The following GLDC variants were observed in gnomAD, a reference collection of about 807,000 sequenced individuals.
The protein encoded by GLDC is glycine decarboxylase, also known as glycine dehydrogenase (decarboxylating), mitochondrial.
GLDC carries 104 observed loss-of-function variants against 121.3 expected under a neutral mutation model. The observed-to-expected ratio is 0.86, with a 90% CI of 0.73 to 1.01. The LOEUF (loss-of-function observed/expected upper bound fraction) is 1.01. Ranked by LOEUF, GLDC falls within the 50% of genes least tolerant of loss-of-function variation. GLDC has a pLI of 0.00. For synonymous variants in GLDC, 546 were observed against 480.6 expected (o/e 1.14, Z -1.78); for missense variants, 1,429 against 1,306.6 (o/e 1.09, Z -1.44).
At chr9:6,607,817 T>G (rs1263006831) in intron 4 of GLDC, among the ~76,000 whole-genome samples, 1 of 151,410 alleles carries the variant, frequency 6.6e-6, no homozygotes, top group East Asian at 2.0e-4. Flanking sequence ...GCCCAGCCAA[T>G]TTTTGTATTA....
At position 6,587,128 on chromosome 9, in the gene GLDC, G is replaced by T; in HGVS notation, c.1850+13C>A. ...ATAGATTGCTGAAACAATAAGAAAA[G>T]AAATGCCCTTACCTGTTTGGCTGGA... is the stretch of plus-strand genomic sequence containing the variant. On this transcript the variant is annotated intron_variant, in intron 15 of 24. Transcript: ENST00000321612. 1.9e-6 allele frequency: 3 copies of T among 1,608,244 alleles called. No individual in the cohort carries two copies. Among genetic ancestry groups the T allele is most frequent in the Non-Finnish European group, 2.6e-6 (3 of 1,175,730 alleles).
At chr9:6,543,211 G>C (rs914070783) in intron 21 of GLDC, among the ~76,000 whole-genome samples, 1 of 152,208 alleles carries the variant, frequency 6.6e-6, no homozygotes, top group Non-Finnish European at 1.5e-5. Flanking sequence ...GGAGGTTGAG[G>C]CTGCAATGAG....
intron 4 of GLDC, among the ~76,000 whole-genome samples, chr9:6,609,937 C>G (rs1818815821): frequency 6.6e-6 from 1 of 152,114 alleles, no homozygotes; most frequent in Non-Finnish European, 1.5e-5. Flanking sequence ...GTCTTTACCC[C>G]TCGCCTGCCA....
chr9:6,591,870 C>G, intron 11 of GLDC: 1 of 318,402 alleles, frequency 3.1e-6, no homozygotes, highest in Non-Finnish European at 6.0e-6. Flanking sequence ...GGATTACAGG[C>G]ATGAGCCACC....
chr9:6,638,694 G>T (rs948433623), intron 2 of GLDC, among the ~76,000 whole-genome samples: 2 of 152,092 alleles, frequency 1.3e-5, no homozygotes, highest in African/African-American at 4.8e-5. Context: ...AAGCCCCTTG[G>T]AGATAGTGAC....
intron 21 of GLDC, among the ~76,000 whole-genome samples, chr9:6,543,682 TG>T (rs1463994286): frequency 3.9e-5 from 6 of 152,212 alleles, no homozygotes; most frequent in Non-Finnish European, 8.8e-5. Context: ...AATTTCAACT[TG>T]GTGGCTGTCA....
intron 8 of GLDC, among the ~76,000 whole-genome samples, chr9:6,600,377 G>GAA (rs1262739023): frequency 1.5e-4 from 17 of 111,186 alleles, no homozygotes; most frequent in Admixed American, 1.9e-4. Flanking sequence ...TCTGTCTCAA[G>GAA]AAAAAAAAAA....
At chr9:6,598,140 C>T (rs1400278468) in intron 8 of GLDC, among the ~76,000 whole-genome samples, 1 of 152,170 alleles carries the variant, frequency 6.6e-6, no homozygotes, top group African/African-American at 2.4e-5. Context: ...GCACTCCTAC[C>T]ACCTCAGTCT....
intron 20 of GLDC, among the ~76,000 whole-genome samples, chr9:6,552,453 A>T (rs1007758180): frequency 6.6e-5 from 10 of 152,216 alleles, no homozygotes; most frequent in African/African-American, 2.4e-4. Flanking sequence ...GTTGTTTGCA[A>T]AACAACTTGA....
chr9:6,635,572 A>AAAT (rs536902604), intron 2 of GLDC, among the ~76,000 whole-genome samples: 1 of 152,082 alleles, frequency 6.6e-6, no homozygotes, highest in Non-Finnish European at 1.5e-5. Context: ...CCCTGTCTCT[A>AAAT]AATAATAATA....
intron 8 of GLDC, among the ~76,000 whole-genome samples, chr9:6,600,685 AAAAG>A: frequency 6.6e-6 from 1 of 152,074 alleles, no homozygotes. Context: ...AGAAGAAAAA[AAAAG>A]AAGAAGAAAA....
At chr9:6,556,117 C>T in intron 18 of GLDC, 36 bp downstream of exon 18, 1 of 1,569,448 alleles carries the variant, frequency 6.4e-7, no homozygotes, top group Non-Finnish European at 8.8e-7. Flanking sequence ...TCCATTTTCT[C>T]AGTGGGAACT....
At chr9:6,590,702 T>A (rs1441850174) in intron 11 of GLDC, among the ~76,000 whole-genome samples, 1 of 152,210 alleles carries the variant, frequency 6.6e-6, no homozygotes, top group African/African-American at 2.4e-5. Context: ...GGTACTCCAA[T>A]GCAAATGAAC....
At position 6,565,410 on chromosome 9, in the gene GLDC, C is replaced by CAT. The variant is rs772068893; in HGVS notation, c.1868_1869dup (p.Ala624MetfsTer11). 2.5e-6 allele frequency: 4 copies of CAT among 1,613,494 alleles called. No homozygotes were observed. The highest frequency in any genetic ancestry group is 3.4e-6 in the Non-Finnish European group (4 of 1,179,548). ...TAGGCTCGGATAGTGGCCAGTCCAGCATATTCTCCCTGGGCTCCGCTTGCA... is the reference window on the plus strand; with the variant it reads ...TAGGCTCGGATAGTGGCCAGTCCAGCATATATTCTCCCTGGGCTCCGCTTGCA... On this transcript the variant is annotated frameshift_variant, in exon 16 of 25. Transcript: ENST00000321612. LOFTEE classifies it high-confidence loss of function.
intron 15 of GLDC, among the ~76,000 whole-genome samples, chr9:6,575,357 C>G (rs1371082292): frequency 2.6e-5 from 4 of 152,212 alleles, no homozygotes; most frequent in Non-Finnish European, 5.9e-5. Flanking sequence ...GCAGCCAGGT[C>G]CAAGAACCTC....
intron 18 of GLDC, among the ~76,000 whole-genome samples, chr9:6,555,721 G>C (rs1421185016): frequency 6.6e-6 from 1 of 152,174 alleles, no homozygotes; most frequent in Non-Finnish European, 1.5e-5. Flanking sequence ...GAACCCAGGA[G>C]GTGGAGGTTG....
chr9:6,622,159 GACACACACACACACACAC>G (rs60752054), intron 2 of GLDC, among the ~76,000 whole-genome samples: 23 of 145,424 alleles, frequency 1.6e-4, no homozygotes, highest in African/African-American at 4.8e-4. Context: ...CACACACACA[GACACACACACACACACAC>G]ACACACACAC....
intron 15 of GLDC, among the ~76,000 whole-genome samples, chr9:6,577,153 G>A (rs1403956847): frequency 6.6e-6 from 1 of 152,242 alleles, no homozygotes; most frequent in Non-Finnish European, 1.5e-5. Context: ...CAAGGATGAG[G>A]CAGAGCCAGC....
chr9:6,610,135 C>G (rs762336755), intron 4 of GLDC, 57 bp downstream of exon 4: 5 of 1,342,300 alleles, frequency 3.7e-6, no homozygotes, highest in Non-Finnish European at 5.2e-6. Context: ...AGAAAGAAAA[C>G]AAGGCCAGGC....
Sources: gnomAD v4.1 joint callset for allele counts (sites outside exome capture counted in the v4.1 genomes callset) on GRCh38, gnomAD v4.1.1 for gene constraint, MANE v1.5 for transcripts, NCBI Gene and HGNC (gene_info 2026-07-23, HGNC 2026-07-21) for gene names.